Variants in MRM1 observed in about 807,000 individuals in gnomAD.
MRM1 encodes the protein mitochondrial rRNA methyltransferase 1.
In MRM1, 24 loss-of-function variants were observed where a neutral mutation model predicts 25.0. The observed-to-expected ratio is 0.96, with a 90% CI of 0.69 to 1.35. The LOEUF (loss-of-function observed/expected upper bound fraction) is 1.35. Ranked by LOEUF, MRM1 falls within the 40% of genes most tolerant of loss-of-function variation. The pLI is 0.00. For synonymous variants in MRM1, 188 were observed against 199.2 expected (o/e 0.94, Z 0.47); for missense variants, 431 against 464.1 (o/e 0.93, Z 0.65).
the MRM1 span, among the ~76,000 whole-genome samples, chr17:36,630,240 T>C: frequency 1.3e-5 from 2 of 152,128 alleles, no homozygotes; most frequent in Non-Finnish European, 2.9e-5. Context: ...TCAGTGCTGT[T>C]GAGTGATTGG....
intron 2 of MRM1, among the ~76,000 whole-genome samples, chr17:36,605,019 A>G (rs2142836703): frequency 6.6e-6 from 1 of 152,140 alleles, no homozygotes; most frequent in Admixed American, 6.5e-5. Flanking sequence ...GGGCACTTGT[A>G]ATCCCAGCTG....
rs995865164 is a variant in MRM1 at position 36,603,690 on chromosome 17, C to T, written c.636+1044C>T. On this transcript the variant is annotated intron_variant, in intron 2 of 4. Coordinates refer to ENST00000614766, the MANE Select transcript of MRM1 (RefSeq NM_024864.5). ...CTGGGATTATAGGCATGAGCCACCG[C>T]ACCTGGCCTTTAAAAAATATTATTA... 2.6e-5 allele frequency among the ~76,000 whole-genome samples: 4 copies of T among 152,226 alleles called. No individual in the cohort carries two copies. The South Asian group carries it at 6.2e-4, about 24-fold the overall frequency.
rs370833430 is a variant in MRM1, at chr17:36,608,222, C to T, written c.890-21C>T. 14 of 1,547,046 alleles carry T rather than the reference C, an allele frequency of 9.0e-6. No homozygotes were observed. In the Middle Eastern group the frequency reaches 7.0e-4, roughly 77 times the overall value. ...ATCCTTCTCCTCCGTCCTCTCTTCCCTTGTCCTTGTGTCTGTGCAGGAATT... is the reference window on the plus strand; with the variant it reads ...ATCCTTCTCCTCCGTCCTCTCTTCCTTTGTCCTTGTGTCTGTGCAGGAATT... On this transcript the variant is annotated intron_variant, in intron 4 of 4. Transcript: ENST00000614766.
chr17:36,609,370 C>T (rs1199354486), downstream of MRM1, among the ~76,000 whole-genome samples: 2 of 152,342 alleles, frequency 1.3e-5, no homozygotes, highest in South Asian at 4.1e-4. Flanking sequence ...ACCTGGCATC[C>T]GGCTTTCGAA....
intron 2 of MRM1, among the ~76,000 whole-genome samples, chr17:36,604,548 T>C (rs931735844): frequency 2.0e-5 from 3 of 152,126 alleles, no homozygotes; most frequent in African/African-American, 7.2e-5. Flanking sequence ...GGCTCACGCA[T>C]GTAATCCCAG....
Position 36,602,129 on chromosome 17 carries a change from CTG to C in MRM1, c.320_321del (p.Leu107ArgfsTer66). The C allele has an allele frequency of 6.2e-7, 1 of 1,612,962 alleles. No homozygotes were observed. The highest frequency in any genetic ancestry group is 1.3e-5 in the African/African-American group (1 of 75,054). On this transcript the variant is annotated frameshift_variant, in exon 1 of 5. Coordinates refer to ENST00000614766, the MANE Select transcript of MRM1 (RefSeq NM_024864.5). LOFTEE classifies it high-confidence loss of function. The surrounding 1 kb of genome is among the most constrained non-coding windows in gnomAD (Gnocchi z 4.1). Reference protein sequence around the residue: ...IPVLRPRRQKLDTMCRYQVHQ... With the variant: ...IPVLRPRRQKXDTMCRYQVHQ... ...AGTTCTGCGGCCCAGACGGCAGAAA[CTG>C]GACACAATGTGCCGCTACCAGGTCC...
At chr17:36,611,673 G>A (rs919918938), downstream of MRM1, among the ~76,000 whole-genome samples, 1 of 152,152 alleles carries the variant, frequency 6.6e-6, no homozygotes, top group Non-Finnish European at 1.5e-5. Flanking sequence ...TCAGTTGAGG[G>A]CCTGAATAGA....
intron 2 of MRM1, among the ~76,000 whole-genome samples, chr17:36,603,650 C>T (rs1002966573): frequency 6.6e-6 from 1 of 152,084 alleles, no homozygotes; most frequent in Non-Finnish European, 1.5e-5. Context: ...CCACTCGCCT[C>T]GGCCTCCCAA....
intron 2 of MRM1, among the ~76,000 whole-genome samples, chr17:36,604,263 C>G (rs2074908341): frequency 6.6e-6 from 1 of 152,350 alleles, no homozygotes. Context: ...AAGGCTTCAT[C>G]AAGGTCACCA....
At chr17:36,604,811 AAG>A (rs1333910798) in intron 2 of MRM1, among the ~76,000 whole-genome samples, 1 of 150,378 alleles carries the variant, frequency 6.6e-6, no homozygotes, top group African/African-American at 2.5e-5. Flanking sequence ...AAAAAAAAAA[AAG>A]AGATGAGGTC....
At chr17:36,624,628 C>T in the MRM1 span, among the ~76,000 whole-genome samples, 3 of 152,182 alleles carry the variant, frequency 2.0e-5, no homozygotes, top group Admixed American at 6.5e-5. The surrounding 1 kb of genome is among the most constrained non-coding windows in gnomAD (Gnocchi z 4.0). Flanking sequence ...GGGCCTTCAG[C>T]GTCTCCTTCA....
chr17:36,602,311 C>T lies in MRM1; in HGVS notation c.501C>T (p.His167=). The T allele has an allele frequency of 3.2e-6, 5 of 1,586,950 alleles. No individual in the cohort carries two copies. Among genetic ancestry groups the T allele is most frequent in the Non-Finnish European group, 4.3e-6 (5 of 1,162,130 alleles). Residue 167 remains histidine, a synonymous_variant, in exon 1 of 5, where the codon CAC becomes CAT. Transcript: ENST00000614766. This position sits in a 1 kb window ranked among gnomAD's most constrained non-coding sequence, Gnocchi z 4.1. ...TTGGGGCTGTGCTGCGTTCCGCACA[C>T]TTCCTCGGAGTGGATAAGGTCATCA... ...RNFGAVLRSA[H]FLGVDKVITS...
At chr17:36,610,035 C>T (rs1463319021), downstream of MRM1, among the ~76,000 whole-genome samples, 1 of 151,662 alleles carries the variant, frequency 6.6e-6, no homozygotes, top group Non-Finnish European at 1.5e-5. Context: ...AAGTGATTCT[C>T]CTGCCTCAGC....
the MRM1 span, among the ~76,000 whole-genome samples, chr17:36,615,704 G>A: frequency 5.2e-3 from 778 of 148,698 alleles, 6 homozygotes; most frequent in African/African-American, 0.018. Context: ...CCCTTAGAAA[G>A]AGGAAACTAA....
the MRM1 span, among the ~76,000 whole-genome samples, chr17:36,624,769 G>A: frequency 6.6e-5 from 10 of 152,080 alleles, no homozygotes; most frequent in Admixed American, 2.0e-4. The surrounding 1 kb of genome is among the most constrained non-coding windows in gnomAD (Gnocchi z 4.0). Context: ...CCCAGGTCTC[G>A]TTTTCCTTCT....
chr17:36,606,889 G>A (rs2074933563), intron 2 of MRM1, among the ~76,000 whole-genome samples: 1 of 150,118 alleles, frequency 6.7e-6, no homozygotes, highest in South Asian at 2.1e-4. Context: ...GGGATTACAG[G>A]CGTGAGCTAC....
intron 2 of MRM1, among the ~76,000 whole-genome samples, chr17:36,605,699 C>T (rs1027878949): frequency 2.0e-5 from 3 of 151,706 alleles, no homozygotes; most frequent in Admixed American, 6.6e-5. Flanking sequence ...TAAAACTGAG[C>T]GCTTGTTCCT....
chr17:36,622,184 T>C, the MRM1 span, among the ~76,000 whole-genome samples: 2 of 152,124 alleles, frequency 1.3e-5, no homozygotes, highest in Non-Finnish European at 2.9e-5. Context: ...GGCACAGGCT[T>C]CCCTGCTGCC....
rs1045290469 is a variant in MRM1 at position 36,603,227 on chromosome 17, A to G, written c.636+581A>G. ...AAATTTCCCTCTTAAGAAGGGGGAG[A>G]GCTCTGGGACCTGTCTAGAACAACG... On this transcript the variant is annotated intron_variant, in intron 2 of 4. Coordinates refer to ENST00000614766, the MANE Select transcript of MRM1 (RefSeq NM_024864.5). 6 of 981,286 alleles carry G rather than the reference A, an allele frequency of 6.1e-6. No individual in the cohort carries two copies. In the African/African-American group the frequency reaches 1.1e-4, roughly 17 times the overall value. 60.8% of individuals were successfully genotyped at this position (981,286 alleles called of 1,614,324 possible).
Sources: gnomAD v4.1 joint callset for allele counts (sites outside exome capture counted in the v4.1 genomes callset) on GRCh38, gnomAD v4.1.1 for gene constraint, Gnocchi (gnomAD v3.1) non-coding constraint, MANE v1.5 for transcripts, NCBI Gene and HGNC (gene_info 2026-07-23, HGNC 2026-07-21) for gene names.